ZFPM2: variants seen among roughly 807,000 people sequenced by gnomAD.
ZFPM2 encodes zinc finger protein ZFPM2.
ZFPM2 carries 20 observed loss-of-function variants against 98.6 expected under a neutral mutation model. That is an observed-to-expected ratio of 0.20 (90% confidence interval 0.14 to 0.29). ZFPM2 has a LOEUF of 0.29. Among genes scored for constraint, ZFPM2 ranks in the 10% least tolerant of loss-of-function variants. The pLI is 1.00. For missense variants in ZFPM2, 1,310 were observed against 1,388.6 expected (o/e 0.94, Z 0.90); for synonymous variants, 518 against 502.7 (o/e 1.03, Z -0.41).
chr8:105,658,961 T>G (rs1817339961), intron 5 of ZFPM2, among the ~76,000 whole-genome samples: 1 of 152,166 alleles, frequency 6.6e-6, no homozygotes, highest in Admixed American at 6.5e-5. Context: ...GTAAAACAAT[T>G]ATTTAAAGGA....
At chr8:105,503,262 C>T (rs141961175) in intron 3 of ZFPM2, among the ~76,000 whole-genome samples, 5 of 152,146 alleles carry the variant, frequency 3.3e-5, no homozygotes, top group Admixed American at 2.6e-4. Context: ...GGGAGCAACT[C>T]GAAGAGGGTA....
chr8:105,530,926 T>A lies in ZFPM2; in HGVS notation c.302-30437T>A, dbSNP rs573610286. ...TGTTTAAATATAATGATGTCCATAGTTTTATATGTAATTTTATGTAAATAT... is the reference window on the plus strand; with the variant it reads ...TGTTTAAATATAATGATGTCCATAGATTTATATGTAATTTTATGTAAATAT... On this transcript the variant is annotated intron_variant, in intron 3 of 7. Coordinates refer to ENST00000407775, the MANE Select transcript of ZFPM2 (RefSeq NM_012082.4). Among the ~76,000 whole-genome samples the A allele has an allele frequency of 2.4e-4, 37 of 152,240 alleles. No homozygotes were observed. In the South Asian group the frequency reaches 5.8e-3, roughly 24 times the overall value.
chr8:105,483,571 C>G (rs1017086800), intron 3 of ZFPM2, among the ~76,000 whole-genome samples: 1 of 144,088 alleles, frequency 6.9e-6, no homozygotes, highest in African/African-American at 2.6e-5. Flanking sequence ...GCCTGGGTGA[C>G]AAAGTGGGAG....
chr8:105,609,064 A>G (rs1816253718), intron 4 of ZFPM2, among the ~76,000 whole-genome samples: 1 of 152,168 alleles, frequency 6.6e-6, no homozygotes, highest in South Asian at 2.1e-4. Context: ...ACAATTAAAA[A>G]AAAGCAATTA....
At chr8:105,731,544 C>T (rs1811939175) in intron 5 of ZFPM2, among the ~76,000 whole-genome samples, 1 of 151,524 alleles carries the variant, frequency 6.6e-6, no homozygotes, top group East Asian at 2.0e-4. Context: ...TTGTATTCCA[C>T]ATATAATAAT....
rs58170875 is a variant in ZFPM2 at position 105,644,297 on chromosome 8, T to TAAA, written c.532+9948_532+9950dup. 2.7e-3 allele frequency among the ~76,000 whole-genome samples: 387 copies of TAAA among 145,570 alleles called. 1 individual carries two copies. The highest frequency in any genetic ancestry group is 8.6e-3 in the African/African-American group (343 of 39,698). On this transcript the variant is annotated intron_variant, in intron 5 of 7. Transcript: ENST00000407775. ...TTCTTTCTTTTCTTTTTTTTTTTTT[T>TAAA]AAAAAAAAAACAGGGTTTTGCCATG...
intron 5 of ZFPM2, among the ~76,000 whole-genome samples, chr8:105,679,540 C>T (rs1362136191): frequency 6.6e-6 from 1 of 152,022 alleles, no homozygotes; most frequent in South Asian, 2.1e-4. Context: ...TGGAAACGTA[C>T]TGGGTGAGAG....
intron 5 of ZFPM2, among the ~76,000 whole-genome samples, chr8:105,682,370 G>A (rs1429377411): frequency 2.0e-5 from 3 of 152,274 alleles, no homozygotes; most frequent in South Asian, 2.1e-4. Flanking sequence ...CCAGGTGGAG[G>A]GAAGAACAAA....
At chr8:105,790,340 G>A (rs372385001) in intron 6 of ZFPM2, among the ~76,000 whole-genome samples, 23 of 151,996 alleles carry the variant, frequency 1.5e-4, no homozygotes, top group South Asian at 6.2e-4. Context: ...TATTAAATAG[G>A]GAATCCTTTC....
chr8:105,486,976 A>G (rs1813240999), intron 3 of ZFPM2, among the ~76,000 whole-genome samples: 1 of 152,302 alleles, frequency 6.6e-6, no homozygotes, highest in South Asian at 2.1e-4. Flanking sequence ...TATCTTCACA[A>G]TTAGGATAAA....
intron 1 of ZFPM2, among the ~76,000 whole-genome samples, chr8:105,379,494 C>T (rs1810799174): frequency 3.3e-5 from 5 of 152,132 alleles, no homozygotes. Context: ...TGGCTCACGC[C>T]TGTAATCCCA....
At chr8:105,674,782 T>G (rs1445344998) in intron 5 of ZFPM2, among the ~76,000 whole-genome samples, 2 of 152,060 alleles carry the variant, frequency 1.3e-5, no homozygotes, top group East Asian at 3.9e-4. Flanking sequence ...ATGAGAGAGA[T>G]TAAAGTCAGA....
chr8:105,330,597 T>TATATATATATAC lies in ZFPM2; in HGVS notation c.40+11627_40+11628insCATATATATATA, dbSNP rs1563606772. Among the ~76,000 whole-genome samples the TATATATATATAC allele has an allele frequency of 2.4e-3, 171 of 71,440 alleles. 3 individuals carry two copies. The highest frequency in any genetic ancestry group is 4.1e-3 in the South Asian group (10 of 2,452). 46.9% of individuals were successfully genotyped at this position (71,440 alleles called of 152,430 possible). A position where few individuals can be genotyped will look rare whatever the true frequency, so the allele number is the denominator to read the frequency against. ...ATATATATACATATATATATATACATATATATATATATACACATATATATA... is the reference window on the plus strand; with the variant it reads ...ATATATATACATATATATATATACATATATATATATACATATATATATATACACATATATATA... On this transcript the variant is annotated intron_variant, in intron 1 of 7. Transcript: ENST00000407775.
At position 105,570,507 on chromosome 8, in the gene ZFPM2, T is replaced by G. The variant is rs540988828; in HGVS notation, c.420+9026T>G. 4.6e-5 allele frequency among the ~76,000 whole-genome samples: 7 copies of G among 152,300 alleles called. No individual in the cohort carries two copies. The East Asian group carries it at 1.4e-3, about 29-fold the overall frequency. On this transcript the variant is annotated intron_variant, in intron 4 of 7. Transcript: ENST00000407775. ...CAATTGCATATTAATCTGAAGGGAT[T>G]TGCTGTGTTATAATGCAGATATAGT... is the stretch of plus-strand genomic sequence containing the variant.
chr8:105,459,402 G>C (rs1812661905), intron 3 of ZFPM2, among the ~76,000 whole-genome samples: 1 of 152,110 alleles, frequency 6.6e-6, no homozygotes, highest in African/African-American at 2.4e-5. Flanking sequence ...GGAGGTAAGA[G>C]ACTGATTGGC....
intron 1 of ZFPM2, among the ~76,000 whole-genome samples, chr8:105,360,509 C>T (rs1812836104): frequency 6.6e-6 from 1 of 152,116 alleles, no homozygotes. Flanking sequence ...TTTTAGGGTA[C>T]ATGCGCACAA....
chr8:105,669,959 T>G (rs1226053254), intron 5 of ZFPM2: 1 of 152,140 alleles, frequency 6.6e-6, no homozygotes, highest in East Asian at 1.9e-4. Flanking sequence ...TGCAAGCCTG[T>G]GTAACAGATA....
intron 3 of ZFPM2, among the ~76,000 whole-genome samples, chr8:105,534,073 T>C (rs1814377879): frequency 2.3e-5 from 1 of 44,056 alleles, no homozygotes; most frequent in Non-Finnish European, 4.2e-5. Flanking sequence ...CCTTCCTTCC[T>C]CCCTCCCATC....
chr8:105,480,773 C>T (rs1316811619), intron 3 of ZFPM2, among the ~76,000 whole-genome samples: 4 of 144,894 alleles, frequency 2.8e-5, no homozygotes, highest in Admixed American at 1.4e-4. Context: ...TTTTTTGAGA[C>T]GGACTTTTGC....
Sources: allele counts gnomAD v4.1 joint callset (sites outside exome capture counted in the v4.1 genomes callset), GRCh38; gene constraint gnomAD v4.1.1; transcripts MANE v1.5; gene names NCBI Gene and HGNC (gene_info 2026-07-23, HGNC 2026-07-21).